The following C11orf21 variants were observed in gnomAD, a reference collection of about 807,000 sequenced individuals.
C11orf21 encodes the protein chromosome 11 open reading frame 21.
C11orf21 carries 19 observed loss-of-function variants against 15.2 expected under a neutral mutation model. That is an observed-to-expected ratio of 1.25 (90% CI 0.87 to 1.84). The LOEUF is 1.84. Ranked by LOEUF, C11orf21 falls within the 40% of genes most tolerant of loss-of-function variation. The pLI, the probability that C11orf21 is intolerant of heterozygous loss-of-function variation, is 0.00. For missense variants in C11orf21, 171 were observed against 174.4 expected (o/e 0.98, Z 0.11); for synonymous variants, 62 against 66.8 (o/e 0.93, Z 0.35).
In C11orf21 at chr11:2,299,469, G is replaced by A; in HGVS notation, c.386C>T (p.Pro129Leu). 6.5e-7 allele frequency: 1 copy of A among 1,550,240 alleles called. No homozygotes were observed. The highest frequency in any genetic ancestry group is 8.7e-7 in the Non-Finnish European group (1 of 1,146,902). ...AGGGTCCCTGTCTCAGGAAGGTAGA[G>A]GCTGCCACCTCCTGGCCCGAGGACA... The part of the protein sequence containing the change: ...KLCPRARRWQ[P>L]LPS Residue 129 changes from proline to leucine, a missense_variant, in exon 3 of 4, where the codon CCT (proline) becomes CTT (leucine). Transcript: ENST00000381153.
chr11:2,302,308 G>T, upstream of C11orf21: 1 of 1,242,112 alleles, frequency 8.1e-7, no homozygotes, highest in Non-Finnish European at 1.0e-6. Flanking sequence ...TCCCTCCCCT[G>T]ACACACACAC....
rs1310812021 is a variant in C11orf21 at position 2,301,793 on chromosome 11, A to G, written c.16T>C (p.Cys6Arg). Residue 6 changes from cysteine to arginine, a missense_variant, in exon 1 of 4, where the codon TGT (cysteine) becomes CGT (arginine). Physicochemically the swap from Cys to Arg is radical, Grantham distance 180 (BLOSUM62 -3). Coordinates refer to ENST00000381153, the MANE Select transcript of C11orf21 (RefSeq NM_001329958.2). MGRTW[C>R]GMWRRRRPGR... ...GGGCGCCGTCTCCTCCACATCCCAC[A>G]CCAGGTCCTGCCCATGACTTTCCCC... The G allele has an allele frequency of 1.3e-6, 2 of 1,550,106 alleles. No individual in the cohort carries two copies. Among genetic ancestry groups the G allele is most frequent in the African/African-American group, 2.7e-5 (2 of 72,908 alleles).
At chr11:2,301,035 G>T in intron 1 of C11orf21, 1 of 491,202 alleles carries the variant, frequency 2.0e-6, no homozygotes, top group Non-Finnish European at 3.7e-6. Flanking sequence ...AGAGGGTGCT[G>T]CCTGGGGGTG....
chr11:2,299,419 G>T lies in C11orf21; in HGVS notation c.*28+9C>A. The T allele has an allele frequency of 6.5e-7, 1 of 1,545,078 alleles. No homozygotes were observed. Among genetic ancestry groups the T allele is most frequent in the South Asian group, 1.2e-5 (1 of 83,992 alleles). On this transcript the variant is annotated intron_variant, in intron 3 of 3. Coordinates refer to ENST00000381153, the MANE Select transcript of C11orf21 (RefSeq NM_001329958.2). ...CCCCAGGCTCCAGCCTCAGAGCCCGGCTGCTCACCTCTGATGGACAGAAAA... is the reference window on the plus strand; with the variant it reads ...CCCCAGGCTCCAGCCTCAGAGCCCGTCTGCTCACCTCTGATGGACAGAAAA...
chr11:2,299,694 G>C lies in C11orf21; in HGVS notation c.161C>G (p.Ser54Ter). Residue 54 changes from serine (S) to a stop codon, truncating the protein, a stop_gained, in exon 3 of 4, where the codon TCA (serine) becomes TGA (stop). Coordinates refer to ENST00000381153, the MANE Select transcript of C11orf21 (RefSeq NM_001329958.2). LOFTEE classifies it high-confidence loss of function. ...WPSRDQEAPG[S>*]MMPPAAAQPS... ...TTGGGCAGCTGCAGGTGGCATCATT[G>C]AGCCAGGGGCCTCCTGGTGGGTAAG... 1.9e-6 allele frequency: 3 copies of C among 1,551,046 alleles called. No homozygotes were observed. Among genetic ancestry groups the C allele is most frequent in the Non-Finnish European group, 2.6e-6 (3 of 1,146,926 alleles).
chr11:2,299,743 A>T, intron 2 of C11orf21, 36 bp from the exon 3 acceptor site: 1 of 1,546,220 alleles, frequency 6.5e-7, no homozygotes, highest in Non-Finnish European at 8.7e-7. Flanking sequence ...GAGCGGGCGC[A>T]CCTGGGACCC....
rs1395912778 is a variant in C11orf21 at position 2,300,551 on chromosome 11, G to A, written c.116C>T (p.Thr39Met). ...TCTGGAGGGCCAGCCGGGGGTTCCC[G>A]TCCACCTGTCAGGGGGTTCGACGCC... ...QSGVEPPDRW[T>M]GTPGWPSRDQ... is the part of the protein sequence containing the mutation. Residue 39 changes from threonine to methionine, a missense_variant, in exon 2 of 4, where the codon ACG becomes ATG. Physicochemically the swap from Thr to Met is moderately conservative, Grantham distance 81. Transcript: ENST00000381153. 27 of 1,549,018 alleles carry A rather than the reference G, an allele frequency of 1.7e-5. No homozygotes were observed. The highest frequency in any genetic ancestry group is 1.3e-4 in the South Asian group (11 of 84,026).
intron 1 of C11orf21, 37 bp downstream of exon 1, chr11:2,301,719 A>T (rs1473813657): frequency 6.6e-7 from 1 of 1,513,002 alleles, no homozygotes; most frequent in South Asian, 1.2e-5. Context: ...CCCAAGGCCC[A>T]GTCCACACTT....
chr11:2,301,065 T>G, intron 1 of C11orf21: 1 of 406,952 alleles, frequency 2.5e-6, no homozygotes, highest in Non-Finnish European at 4.5e-6. Flanking sequence ...ACGGGGGTCC[T>G]GGTTGTCCCT....
In C11orf21 at chr11:2,300,576, C is replaced by T; in HGVS notation, c.91G>A (p.Gly31Ser). The T allele has an allele frequency of 3.9e-6, 6 of 1,550,028 alleles. No homozygotes were observed. Among genetic ancestry groups the T allele is most frequent in the Non-Finnish European group, 2.6e-6 (3 of 1,146,692 alleles). The change falls in exon 2 of 4, where the codon GGC becomes AGC. Residue 31 changes from glycine (G) to serine (S), a missense_variant. Physicochemically the swap from Gly to Ser is moderately conservative, Grantham distance 56. Transcript: ENST00000381153. ...GTCCACCTGTCAGGGGGTTCGACGCCACTTTGAGATGACAAGTGAGGCCAC... is the reference window on the plus strand; with the variant it reads ...GTCCACCTGTCAGGGGGTTCGACGCTACTTTGAGATGACAAGTGAGGCCAC... ...PRWPHLSSQS[G>S]VEPPDRWTGT... is the part of the protein sequence containing the mutation.
At chr11:2,301,665 A>C (rs1423381240) in intron 1 of C11orf21, 91 bp downstream of exon 1, 2 of 1,022,542 alleles carry the variant, frequency 2.0e-6, no homozygotes, top group Non-Finnish European at 2.8e-6. Flanking sequence ...CTCAATAATG[A>C]TGTTCCAAGG....
At chr11:2,299,769 G>T in intron 2 of C11orf21, 62 bp from the exon 3 acceptor site, 1 of 1,540,382 alleles carries the variant, frequency 6.5e-7, no homozygotes, top group Non-Finnish European at 8.8e-7. Flanking sequence ...TTCACAGGAA[G>T]GAGAGAGGAA....
rs1230558778 is a variant in C11orf21 at position 2,295,667 on chromosome 11, G to A, written c.*2283C>T. On this transcript the variant is annotated 3_prime_UTR_variant, in exon 4 of 4. Coordinates refer to ENST00000381153, the MANE Select transcript of C11orf21 (RefSeq NM_001329958.2). This position sits in a 1 kb window ranked among gnomAD's most constrained non-coding sequence, Gnocchi z 5.4. ...AATAATTCTGTGTGACACTGTAATA[G>A]TGGAGATATGCCATTACACATTTGC... 1 of 152,226 alleles carries A rather than the reference G, an allele frequency of 6.6e-6. No homozygotes were observed. Among genetic ancestry groups the A allele is most frequent in the African/African-American group, 2.4e-5 (1 of 41,460 alleles). 9.4% of individuals were successfully genotyped at this position (152,226 alleles called of 1,614,324 possible).
chr11:2,300,456 G>T (rs1007181989), intron 2 of C11orf21, 64 bp downstream of exon 2: 7 of 1,030,148 alleles, frequency 6.8e-6, no homozygotes, highest in Non-Finnish European at 1.0e-5. Context: ...AGCAAAGGGC[G>T]TGGGGGTTCC....
At position 2,297,401 on chromosome 11, in the gene C11orf21, G is replaced by C. The variant is rs1442195799; in HGVS notation, c.*549C>G. 1 of 152,338 alleles carries C rather than the reference G, an allele frequency of 6.6e-6. No individual in the cohort carries two copies. Among genetic ancestry groups the C allele is most frequent in the Non-Finnish European group, 1.5e-5 (1 of 68,104 alleles). 9.4% of individuals were successfully genotyped at this position (152,338 alleles called of 1,614,324 possible). A position where few individuals can be genotyped will look rare whatever the true frequency, so the allele number is the denominator to read the frequency against. ...CCAGGCGGGTGAACACTCGTGTGTT[G>C]GGAGGCTGGTGAAGCCTGGCATTGG... On this transcript the variant is annotated 3_prime_UTR_variant, in exon 4 of 4. Transcript: ENST00000381153.
upstream of C11orf21, among the ~76,000 whole-genome samples, chr11:2,302,443 GGAGGCCTGAGTGGGGCT>G (rs950234829): frequency 1.6e-4 from 25 of 152,334 alleles, no homozygotes; most frequent in South Asian, 2.7e-3. Flanking sequence ...AGAGCCTGGA[GGAGGCCTGAGTGGGGCT>G]GAGGCCTGGG....
At chr11:2,302,280 G>A, upstream of C11orf21, 5 of 1,325,360 alleles carry the variant, frequency 3.8e-6, no homozygotes, top group Non-Finnish European at 4.9e-6. Flanking sequence ...GGGTGGCAGG[G>A]CCTCAGCACA....
chr11:2,299,544 CG>C lies in C11orf21; in HGVS notation c.310del (p.Arg104GlyfsTer8). On this transcript the variant is annotated frameshift_variant, in exon 3 of 4. Coordinates refer to ENST00000381153, the MANE Select transcript of C11orf21 (RefSeq NM_001329958.2). LOFTEE classifies it high-confidence loss of function. ...TTCTAAGTCCAAGTCCCATCCCAGCCGGATAGCCAGGGGCAACTGCCCAGGT... is the reference window on the plus strand; with the variant it reads ...TTCTAAGTCCAAGTCCCATCCCAGCCGATAGCCAGGGGCAACTGCCCAGGT... Reference protein sequence around the residue: ...SLPGQLPLAIRLGWDLDLEAG... With the variant: ...SLPGQLPLAIXLGWDLDLEAG... 1 of 1,550,694 alleles carries C rather than the reference CG, an allele frequency of 6.4e-7. No individual in the cohort carries two copies.
chr11:2,302,252 G>A, upstream of C11orf21: 1 of 1,371,258 alleles, frequency 7.3e-7, no homozygotes, highest in African/African-American at 1.5e-5. Flanking sequence ...GTGGTGGGTG[G>A]GGGTGAGCAG....
Sources: gnomAD v4.1 joint callset for allele counts (sites outside exome capture counted in the v4.1 genomes callset) on GRCh38, gnomAD v4.1.1 for gene constraint, Gnocchi (gnomAD v3.1) non-coding constraint, MANE v1.5 for transcripts, NCBI Gene and HGNC (gene_info 2026-07-23, HGNC 2026-07-21) for gene names.